The following NFIC variants were observed in gnomAD, a reference collection of about 807,000 sequenced individuals.
NFIC encodes the protein nuclear factor I C.
Under a neutral mutation model 54.4 loss-of-function variants are expected in NFIC, and 12 were observed. That is an observed-to-expected ratio of 0.22 (90% CI 0.14 to 0.36). The LOEUF (loss-of-function observed/expected upper bound fraction) is 0.36. NFIC is among the 10% of genes least tolerant of loss of function. The pLI, the probability that NFIC is intolerant of heterozygous loss-of-function variation, is 1.00. For synonymous variants in NFIC, 322 were observed against 319.2 expected (o/e 1.01, Z -0.09); for missense variants, 575 against 718.2 (o/e 0.80, Z 2.28).
intron 2 of NFIC, among the ~76,000 whole-genome samples, chr19:3,408,079 G>T (rs1034326900): frequency 1.3e-5 from 2 of 152,122 alleles, no homozygotes; most frequent in Non-Finnish European, 2.9e-5. Flanking sequence ...GGAGGCGGAC[G>T]TGGCAGCCGG....
rs562876819 is a variant in NFIC at position 3,447,959 on chromosome 19, C to T, written c.959-1055C>T. ...CATTCTTGTTGCCTGGGCTGGAGTG[C>T]AATGGCGTGATCTCGGCCCACTGCA... On this transcript the variant is annotated intron_variant, in intron 6 of 10. Transcript: ENST00000443272. Among the ~76,000 whole-genome samples the T allele has an allele frequency of 5.9e-5, 9 of 152,264 alleles. No individual in the cohort carries two copies. The South Asian group carries it at 1.7e-3, about 28-fold the overall frequency.
Position 3,370,379 on chromosome 19 carries a change from G to A in NFIC, c.30+3713G>A, listed in dbSNP as rs934145900. Among the ~76,000 whole-genome samples, 1 of 151,944 alleles carries A rather than the reference G, an allele frequency of 6.6e-6. No homozygotes were observed. Among genetic ancestry groups the A allele is most frequent in the Non-Finnish European group, 1.5e-5 (1 of 67,964 alleles). ...TGGGTCTCTCTGTGCATCTCTCTCT[G>A]TTTCTCCCCCTCCCCTCTCTGCGGC... On this transcript the variant is annotated intron_variant, in intron 1 of 10. Coordinates refer to ENST00000443272, the MANE Select transcript of NFIC (RefSeq NM_001245002.2). The surrounding 1 kb of genome is among the most constrained non-coding windows in gnomAD (Gnocchi z 5.2).
At chr19:3,393,563 C>T (rs1220156922) in intron 2 of NFIC, among the ~76,000 whole-genome samples, 1 of 151,812 alleles carries the variant, frequency 6.6e-6, no homozygotes, top group Non-Finnish European at 1.5e-5. Context: ...ACCTGTAATC[C>T]CAGCACTTTG....
chr19:3,360,128 G>C (rs1201058467), intron 1 of NFIC, among the ~76,000 whole-genome samples: 1 of 145,916 alleles, frequency 6.9e-6, no homozygotes, highest in Non-Finnish European at 1.5e-5. Context: ...GTGGGGCGGG[G>C]GTCGCGGCGG....
chr19:3,405,663 G>A (rs561132397), intron 2 of NFIC, among the ~76,000 whole-genome samples: 2 of 151,932 alleles, frequency 1.3e-5, no homozygotes, highest in Admixed American at 6.6e-5. Context: ...GCAATGGCAC[G>A]ATCTCGGCTC....
chr19:3,372,880 T>C (rs1428679486), intron 1 of NFIC, among the ~76,000 whole-genome samples: 1 of 151,956 alleles, frequency 6.6e-6, no homozygotes, highest in Non-Finnish European at 1.5e-5. Context: ...AGTCTCGCTC[T>C]GTCGCCCAGA....
At chr19:3,365,908 G>A (rs1036450518), upstream of NFIC, among the ~76,000 whole-genome samples, 1 of 152,216 alleles carries the variant, frequency 6.6e-6, no homozygotes, top group African/African-American at 2.4e-5. Context: ...CGCAGCCCCT[G>A]CCTGGCTCTG....
chr19:3,431,040 T>C (rs1165116908), intron 3 of NFIC, among the ~76,000 whole-genome samples: 1 of 151,752 alleles, frequency 6.6e-6, no homozygotes, highest in African/African-American at 2.4e-5. Flanking sequence ...GGTGCATCCA[T>C]GTTGTAGCCT....
At chr19:3,363,930 C>T (rs1026426866), upstream of NFIC, among the ~76,000 whole-genome samples, 1 of 152,234 alleles carries the variant, frequency 6.6e-6, no homozygotes, top group African/African-American at 2.4e-5. Flanking sequence ...TCTGTCCCCC[C>T]ACTTGTCTCT....
intron 2 of NFIC, among the ~76,000 whole-genome samples, chr19:3,418,956 T>C (rs2081910598): frequency 6.6e-6 from 1 of 152,140 alleles, no homozygotes; most frequent in Non-Finnish European, 1.5e-5. Flanking sequence ...TTAAGCTCAA[T>C]TGAGAAAAGC....
chr19:3,434,421 C>T, intron 5 of NFIC, 21 bp downstream of exon 5: 1 of 1,578,900 alleles, frequency 6.3e-7, no homozygotes, highest in African/African-American at 1.4e-5. Flanking sequence ...AGGTCCCCAC[C>T]TCTGGGCATT....
intron 3 of NFIC, among the ~76,000 whole-genome samples, chr19:3,427,949 C>T (rs994026672): frequency 6.6e-6 from 1 of 151,610 alleles, no homozygotes; most frequent in South Asian, 2.1e-4. Flanking sequence ...GTGGGTGGAT[C>T]ACCTGAGGTC....
chr19:3,438,851 A>G (rs942674942), intron 6 of NFIC, among the ~76,000 whole-genome samples: 56 of 152,146 alleles, frequency 3.7e-4, no homozygotes, highest in African/African-American at 1.3e-3. Flanking sequence ...CCAGGGGCTA[A>G]CAGCCTAGTG....
Position 3,462,789 on chromosome 19 carries a change from C to T in NFIC, c.*20C>T. ...GGATAGCAAAGGTCTTCTTCCCTCGCCCCTTCTCCATCGTCCCAGGAATCC... is the reference window on the plus strand; with the variant it reads ...GGATAGCAAAGGTCTTCTTCCCTCGTCCCTTCTCCATCGTCCCAGGAATCC... On this transcript the variant is annotated 3_prime_UTR_variant, in exon 11 of 11. Coordinates refer to ENST00000443272, the MANE Select transcript of NFIC (RefSeq NM_001245002.2). 2 of 1,613,982 alleles carry T rather than the reference C, an allele frequency of 1.2e-6. No individual in the cohort carries two copies. Among genetic ancestry groups the T allele is most frequent in the Non-Finnish European group, 1.7e-6 (2 of 1,180,004 alleles).
chr19:3,385,418 C>T (rs73522129), intron 2 of NFIC, among the ~76,000 whole-genome samples: 2,236 of 152,174 alleles, frequency 0.015, 43 homozygotes, highest in African/African-American at 0.05. Context: ...GGTGAGAGCT[C>T]AGTAAACCAC....
Position 3,469,211 on chromosome 19 carries a change from G to A in NFIC, c.*6442G>A, listed in dbSNP as rs530249869. On this transcript the variant is annotated 3_prime_UTR_variant, in exon 11 of 11. Coordinates refer to ENST00000443272, the MANE Select transcript of NFIC (RefSeq NM_001245002.2). ...ATAAAAATTAAACAAGCTATGCTTCGACTCTTTCTGGCTGTCCCGGGTCCT... is the reference window on the plus strand; with the variant it reads ...ATAAAAATTAAACAAGCTATGCTTCAACTCTTTCTGGCTGTCCCGGGTCCT... The A allele has an allele frequency of 2.0e-5, 3 of 152,308 alleles. No individual in the cohort carries two copies. Among genetic ancestry groups the A allele is most frequent in the East Asian group, 3.9e-4 (2 of 5,188 alleles). The allele number at this position is 152,308 out of a possible 1,614,324, so 9.4% of individuals were successfully genotyped here. A position where few individuals can be genotyped will look rare whatever the true frequency, so the allele number is the denominator to read the frequency against.
chr19:3,398,898 G>C (rs879496155), intron 2 of NFIC, among the ~76,000 whole-genome samples: 2 of 152,244 alleles, frequency 1.3e-5, no homozygotes, highest in African/African-American at 2.4e-5. Flanking sequence ...TCATAGGCGA[G>C]CTGCGGACTC....
chr19:3,378,090 C>G (rs1336097419), intron 1 of NFIC, among the ~76,000 whole-genome samples: 2 of 150,660 alleles, frequency 1.3e-5, no homozygotes, highest in Non-Finnish European at 3.0e-5. Flanking sequence ...ACTAAAAATA[C>G]AAAAATTAGC....
intron 6 of NFIC, among the ~76,000 whole-genome samples, chr19:3,440,722 T>A (rs2082280649): frequency 2.6e-5 from 4 of 152,108 alleles, no homozygotes; most frequent in African/African-American, 9.6e-5. Flanking sequence ...GGTTTCACCC[T>A]GTTGGCCAGG....
Sources: gnomAD v4.1 joint callset for allele counts (sites outside exome capture counted in the v4.1 genomes callset) on GRCh38, gnomAD v4.1.1 for gene constraint, Gnocchi (gnomAD v3.1) non-coding constraint, MANE v1.5 for transcripts, NCBI Gene and HGNC (gene_info 2026-07-23, HGNC 2026-07-21) for gene names.